KHDRBS2: variants seen among roughly 807,000 people sequenced by gnomAD.
KHDRBS2 encodes the protein KH RNA binding domain containing, signal transduction associated 2, also known as KH domain-containing, RNA-binding, signal transduction-associated protein 2.
A neutral mutation model predicts 44.3 loss-of-function variants in KHDRBS2; 26 were observed. The observed-to-expected ratio is 0.59, with a 90% CI of 0.43 to 0.81. KHDRBS2 has a LOEUF of 0.81. Ranked by LOEUF, KHDRBS2 falls within the 40% of genes least tolerant of loss-of-function variation. The probability of loss-of-function intolerance (pLI) is 0.00; values close to 1 mark genes in which losing one functional copy is unlikely to be tolerated. For missense variants in KHDRBS2, 476 were observed against 433.1 expected (o/e 1.10, Z -0.88); for synonymous variants, 194 against 151.1 (o/e 1.28, Z -2.08).
At chr6:61,768,694 A>T (rs1187904325) in intron 6 of KHDRBS2, among the ~76,000 whole-genome samples, 1 of 152,034 alleles carries the variant, frequency 6.6e-6, no homozygotes, top group East Asian at 1.9e-4. Context: ...TAGCTCCACC[A>T]CATGGCTGTT....
At chr6:61,675,041 A>G (rs535041531), downstream of KHDRBS2, among the ~76,000 whole-genome samples, 180 of 151,896 alleles carry the variant, frequency 1.2e-3, 1 homozygote, top group Non-Finnish European at 2.4e-4. Flanking sequence ...TATGCAAGAA[A>G]TGTTTGAATT....
At chr6:61,637,247 T>C in the KHDRBS2 span, among the ~76,000 whole-genome samples, 1 of 149,702 alleles carries the variant, frequency 6.7e-6, no homozygotes, top group Admixed American at 6.7e-5. Flanking sequence ...TGTGTTCTCA[T>C]TGTTCAATTT....
intron 7 of KHDRBS2, among the ~76,000 whole-genome samples, chr6:61,719,977 G>A (rs2127554785): frequency 6.6e-6 from 1 of 151,998 alleles, no homozygotes; most frequent in East Asian, 1.9e-4. Context: ...CCCTTCCTGT[G>A]TCCATGTGTT....
At chr6:61,823,230 T>C (rs1404383858) in intron 6 of KHDRBS2, among the ~76,000 whole-genome samples, 1 of 152,060 alleles carries the variant, frequency 6.6e-6, no homozygotes, top group African/African-American at 2.4e-5. Context: ...AACACATTGC[T>C]GACATCTCTT....
chr6:61,683,741 T>C (rs1766540350), intron 8 of KHDRBS2, among the ~76,000 whole-genome samples: 1 of 151,926 alleles, frequency 6.6e-6, no homozygotes, highest in South Asian at 2.1e-4. Flanking sequence ...AAAAGTATCA[T>C]ATTTCATGGC....
rs573064753 is a variant in KHDRBS2 at position 62,118,444 on chromosome 6, G to T, written c.219+58741C>A. ...TTTTATTGCTAAGGAGAATGTCATT[G>T]ATGTTTTGTTAGGAATTTCACCGAA... On this transcript the variant is annotated intron_variant, in intron 2 of 8. Coordinates refer to ENST00000281156, the MANE Select transcript of KHDRBS2 (RefSeq NM_152688.4). Among the ~76,000 whole-genome samples, 26 of 152,198 alleles carry T rather than the reference G, an allele frequency of 1.7e-4. No homozygotes were observed. The East Asian group carries it at 2.7e-3, about 16-fold the overall frequency.
At chr6:61,573,564 C>A in the KHDRBS2 span, among the ~76,000 whole-genome samples, 2 of 152,048 alleles carry the variant, frequency 1.3e-5, no homozygotes, top group Admixed American at 1.3e-4. Flanking sequence ...CCAAGGCAGG[C>A]GGATCACCTG....
the KHDRBS2 span, among the ~76,000 whole-genome samples, chr6:61,638,518 A>G: frequency 5.3e-5 from 8 of 152,170 alleles, no homozygotes; most frequent in African/African-American, 1.9e-4. Context: ...AAGATGGATT[A>G]AAGACTTAAG....
chr6:61,731,708 C>A (rs1774488080), intron 7 of KHDRBS2, among the ~76,000 whole-genome samples: 1 of 152,050 alleles, frequency 6.6e-6, no homozygotes, highest in Admixed American at 6.6e-5. Context: ...GTTCCATTGG[C>A]TTCTGTCAAT....
At chr6:62,191,355 C>A (rs1329018243) in intron 1 of KHDRBS2, among the ~76,000 whole-genome samples, 2 of 152,074 alleles carry the variant, frequency 1.3e-5, no homozygotes, top group Non-Finnish European at 2.9e-5. Context: ...TGCTGATGAT[C>A]TTCCCTCCTT....
chr6:61,554,783 A>T, the KHDRBS2 span, among the ~76,000 whole-genome samples: 1 of 152,166 alleles, frequency 6.6e-6, no homozygotes, highest in East Asian at 1.9e-4. Context: ...CTTTGGCTGG[A>T]TACAAAATTC....
intron 7 of KHDRBS2, among the ~76,000 whole-genome samples, chr6:61,714,899 G>C (rs1391202066): frequency 1.3e-5 from 2 of 151,766 alleles, no homozygotes; most frequent in African/African-American, 2.4e-5. Context: ...TCAGAAGAGT[G>C]GGGGAACCAG....
intron 2 of KHDRBS2, among the ~76,000 whole-genome samples, chr6:62,123,510 T>C (rs1808203980): frequency 6.6e-6 from 1 of 152,152 alleles, no homozygotes; most frequent in African/African-American, 2.4e-5. Flanking sequence ...AAAGGTTTTA[T>C]AAAACATGCC....
intron 3 of KHDRBS2, among the ~76,000 whole-genome samples, chr6:62,026,837 C>T (rs531488938): frequency 7.9e-5 from 12 of 152,182 alleles, no homozygotes; most frequent in Admixed American, 3.3e-4. Flanking sequence ...TGAGGTAGCC[C>T]GATTTTGCCT....
At chr6:61,955,848 ATAAT>A (rs1767107608) in intron 4 of KHDRBS2, among the ~76,000 whole-genome samples, 1 of 152,100 alleles carries the variant, frequency 6.6e-6, no homozygotes, top group African/African-American at 2.4e-5. Flanking sequence ...GGTCAGCACT[ATAAT>A]TATCTCATTT....
At chr6:62,234,461 T>C (rs1833387812) in intron 1 of KHDRBS2, among the ~76,000 whole-genome samples, 3 of 152,082 alleles carry the variant, frequency 2.0e-5, no homozygotes. Context: ...TACACAGTGA[T>C]GAAAATGACA....
the KHDRBS2 span, among the ~76,000 whole-genome samples, chr6:61,591,107 A>T: frequency 6.6e-6 from 1 of 152,130 alleles, no homozygotes; most frequent in African/African-American, 2.4e-5. Context: ...ACAACAATTG[A>T]TCACTGTTTC....
intron 6 of KHDRBS2, among the ~76,000 whole-genome samples, chr6:61,888,687 G>A (rs573652657): frequency 6.0e-5 from 9 of 150,486 alleles, no homozygotes; most frequent in South Asian, 2.1e-4. Context: ...TCAGCCTCCC[G>A]AGTAGCTGGA....
At chr6:61,627,846 C>T in the KHDRBS2 span, among the ~76,000 whole-genome samples, 458 of 152,216 alleles carry the variant, frequency 3.0e-3, 4 homozygotes, top group African/African-American at 0.011. Context: ...TTCTTGAACT[C>T]TGTAAGTTGT....
Sources: gnomAD v4.1 joint callset for allele counts (sites outside exome capture counted in the v4.1 genomes callset) on GRCh38, gnomAD v4.1.1 for gene constraint, MANE v1.5 for transcripts, NCBI Gene and HGNC (gene_info 2026-07-23, HGNC 2026-07-21) for gene names.